TSHZ2: variants seen among roughly 807,000 people sequenced by gnomAD.
TSHZ2 encodes the protein teashirt homolog 2.
Under a neutral mutation model 74.4 loss-of-function variants are expected in TSHZ2, and 21 were observed. The observed-to-expected ratio is 0.28, with a 90% CI of 0.20 to 0.41. The LOEUF is 0.41. Among genes scored for constraint, TSHZ2 ranks in the 10% least tolerant of loss-of-function variants. TSHZ2 has a pLI of 1.00. For missense variants in TSHZ2, 1,244 were observed against 1,293.5 expected, an observed-to-expected ratio of 0.96 and a Z score of 0.59; for synonymous variants, 540 against 515.3, an observed-to-expected ratio of 1.05 and a Z score of -0.65.
In TSHZ2 at chr20:53,146,123, G is replaced by A. The variant is rs183095474; in HGVS notation, c.41-107376G>A. 8.9e-4 allele frequency among the ~76,000 whole-genome samples: 136 copies of A among 152,136 alleles called. 1 individual carries two copies. Among genetic ancestry groups the A allele is most frequent in the Non-Finnish European group, 1.8e-4 (12 of 68,002 alleles). ...GCTTGTGGAATACAGATGAATTTTA[G>A]AGTTTGATTTAGTAAAGACCATGTT... On this transcript the variant is annotated intron_variant, in intron 1 of 2. Coordinates refer to ENST00000371497, the MANE Select transcript of TSHZ2 (RefSeq NM_173485.6).
chr20:53,381,520 C>T (rs1038666883), intron 2 of TSHZ2, among the ~76,000 whole-genome samples: 33 of 152,208 alleles, frequency 2.2e-4, no homozygotes, highest in African/African-American at 7.5e-4. Flanking sequence ...AATTTTCACA[C>T]AGCACAAGCT....
chr20:53,382,894 C>G (rs1365843046), intron 2 of TSHZ2, among the ~76,000 whole-genome samples: 1 of 152,030 alleles, frequency 6.6e-6, no homozygotes, highest in African/African-American at 2.4e-5. Flanking sequence ...CACTGCTCCT[C>G]TCTGCGTGTT....
At chr20:52,976,376 A>G (rs1981340292) in intron 1 of TSHZ2, among the ~76,000 whole-genome samples, 1 of 152,194 alleles carries the variant, frequency 6.6e-6, no homozygotes, top group African/African-American at 2.4e-5. Flanking sequence ...AAAAAAGTTG[A>G]GAAAGCAGCC....
intron 2 of TSHZ2, among the ~76,000 whole-genome samples, chr20:53,381,709 G>A (rs754284284): frequency 7.2e-5 from 11 of 152,276 alleles, no homozygotes; most frequent in Non-Finnish European, 1.3e-4. Flanking sequence ...GGTGACTCAG[G>A]TAGGGATGAG....
At chr20:53,218,867 C>T (rs1012083561) in intron 1 of TSHZ2, among the ~76,000 whole-genome samples, 1 of 152,164 alleles carries the variant, frequency 6.6e-6, no homozygotes, top group Non-Finnish European at 1.5e-5. Flanking sequence ...TGTCTCTGGT[C>T]AGCACCTGAG....
intron 2 of TSHZ2, among the ~76,000 whole-genome samples, chr20:53,474,341 G>A (rs1397210649): frequency 3.1e-5 from 4 of 130,806 alleles, no homozygotes; most frequent in African/African-American, 9.1e-5. Context: ...GAAGAGAGTG[G>A]GGGCCAATAT....
rs372034748 is a variant in TSHZ2, at chr20:53,458,396, A to G, written c.*9-28748A>G. On this transcript the variant is annotated intron_variant, in intron 2 of 2. Transcript: ENST00000371497. ...TGGTAGTTTGTATTTCTGTGGGATCAGTGGTGATATCCCCTTTGTCATTTT... is the reference window on the plus strand; with the variant it reads ...TGGTAGTTTGTATTTCTGTGGGATCGGTGGTGATATCCCCTTTGTCATTTT... 1.0e-2 allele frequency among the ~76,000 whole-genome samples: 1,514 copies of G among 151,958 alleles called. 17 individuals are homozygous for G. Among genetic ancestry groups the G allele is most frequent in the South Asian group, 0.045 (212 of 4,756 alleles).
intron 1 of TSHZ2, among the ~76,000 whole-genome samples, chr20:53,063,562 A>G (rs540121844): frequency 2.8e-4 from 42 of 152,180 alleles, no homozygotes; most frequent in Non-Finnish European, 5.4e-4. Context: ...AGTATAGTCT[A>G]ATTACTTAAG....
At chr20:53,011,286 T>C (rs1195663047) in intron 1 of TSHZ2, among the ~76,000 whole-genome samples, 1 of 152,254 alleles carries the variant, frequency 6.6e-6, no homozygotes, top group Non-Finnish European at 1.5e-5. Flanking sequence ...ATTCATATCC[T>C]GGGATCCTCT....
Position 53,246,040 on chromosome 20 carries a change from C to CTTTTTTTTTTTTTTTTTTTTTTTTT in TSHZ2, c.41-7446_41-7445insTTTTTTTTTTTTTTTTTTTTTTTTT, listed in dbSNP as rs57243805. On this transcript the variant is annotated intron_variant, in intron 1 of 2. Coordinates refer to ENST00000371497, the MANE Select transcript of TSHZ2 (RefSeq NM_173485.6). Reference sequence around the variant, plus strand: ...TGTGCTTTTCTTTCTTTCTTTCTTTCTTTTTTTTTTTTTGTTTGAGACAGA... The same window carrying CTTTTTTTTTTTTTTTTTTTTTTTTT: ...TGTGCTTTTCTTTCTTTCTTTCTTTCTTTTTTTTTTTTTTTTTTTTTTTTTTTTTTTTTTTTTTGTTTGAGACAGA... Among the ~76,000 whole-genome samples, 512 of 130,364 alleles carry CTTTTTTTTTTTTTTTTTTTTTTTTT rather than the reference C, an allele frequency of 3.9e-3. 7 individuals carry two copies. The highest frequency in any genetic ancestry group is 5.5e-3 in the Non-Finnish European group (346 of 62,378). The allele number at this position is 130,364 out of a possible 152,430, so 85.5% of individuals were successfully genotyped here. A position where few individuals can be genotyped will look rare whatever the true frequency, so the allele number is the denominator to read the frequency against.
intron 2 of TSHZ2, among the ~76,000 whole-genome samples, chr20:53,450,975 A>G (rs912178109): frequency 2.0e-5 from 3 of 149,350 alleles, no homozygotes; most frequent in South Asian, 2.1e-4. Context: ...GCCCAGAGGG[A>G]AAAAAAAAAG....
At chr20:53,026,227 T>A (rs1436227072) in intron 1 of TSHZ2, among the ~76,000 whole-genome samples, 3 of 152,120 alleles carry the variant, frequency 2.0e-5, no homozygotes, top group Non-Finnish European at 4.4e-5. Context: ...AACAGGATCC[T>A]TCTCATTGTG....
At chr20:53,348,163 A>G (rs60658410) in intron 2 of TSHZ2, among the ~76,000 whole-genome samples, 25,001 of 152,258 alleles carry the variant, frequency 0.16, 2,634 homozygotes, top group South Asian at 0.27. Context: ...TACAAAAAAC[A>G]TGGGAGACAA....
intron 2 of TSHZ2, among the ~76,000 whole-genome samples, chr20:53,467,523 A>G (rs1985598188): frequency 6.6e-6 from 1 of 152,216 alleles, no homozygotes; most frequent in Non-Finnish European, 1.5e-5. Context: ...TTCGTTAAGC[A>G]CTTATTGAAC....
chr20:53,434,840 G>A lies in TSHZ2; in HGVS notation c.*9-52304G>A, dbSNP rs574448312. On this transcript the variant is annotated intron_variant, in intron 2 of 2. Transcript: ENST00000371497. The stretch of plus-strand genomic sequence containing the variant: ...TTGTTTGCAATGCTTTGGCCAAGCC[G>A]AGAGCACGCGGATCTGGATGCACAG... Among the ~76,000 whole-genome samples the A allele has an allele frequency of 3.9e-5, 6 of 152,358 alleles. No individual in the cohort carries two copies. The East Asian group carries it at 7.7e-4, about 20-fold the overall frequency.
intron 2 of TSHZ2, among the ~76,000 whole-genome samples, chr20:53,308,172 C>A (rs768287076): frequency 2.0e-5 from 3 of 152,138 alleles, no homozygotes; most frequent in Non-Finnish European, 4.4e-5. Context: ...GACATGTGTA[C>A]TGGGGAGTCA....
intron 2 of TSHZ2, among the ~76,000 whole-genome samples, chr20:53,418,560 AAC>A (rs1983354135): frequency 6.6e-6 from 1 of 152,112 alleles, no homozygotes; most frequent in South Asian, 2.1e-4. Flanking sequence ...CCCTTCTTAT[AAC>A]CATCAGATCT....
At chr20:53,439,737 G>A (rs572755341) in intron 2 of TSHZ2, among the ~76,000 whole-genome samples, 1 of 152,272 alleles carries the variant, frequency 6.6e-6, no homozygotes, top group Admixed American at 6.5e-5. Context: ...AGAAGACTTT[G>A]CAGTTGGGTG....
intron 1 of TSHZ2, among the ~76,000 whole-genome samples, chr20:53,073,873 TTATAC>T (rs1211126034): frequency 2.0e-5 from 3 of 152,224 alleles, no homozygotes; most frequent in Admixed American, 6.5e-5. Context: ...TGTTTGTTAC[TTATAC>T]TATACATTAG....
Sources: allele counts gnomAD v4.1 joint callset (sites outside exome capture counted in the v4.1 genomes callset), GRCh38; gene constraint gnomAD v4.1.1; transcripts MANE v1.5; gene names NCBI Gene and HGNC (gene_info 2026-07-23, HGNC 2026-07-21).